PNPLA7: variants seen among roughly 807,000 people sequenced by gnomAD.
The protein encoded by PNPLA7 is patatin-like phospholipase domain-containing protein 7.
Under a neutral mutation model 161.7 loss-of-function variants are expected in PNPLA7, and 153 were observed. The ratio of observed to expected loss-of-function variants is 0.95; its 90% confidence interval spans 0.83 to 1.08. The LOEUF (loss-of-function observed/expected upper bound fraction) is 1.08, where lower values mean the gene tolerates loss of function less well. Ranked by LOEUF, PNPLA7 falls within the 50% of genes least tolerant of loss-of-function variation. PNPLA7 has a pLI of 0.00. For missense variants in PNPLA7, 1,739 were observed against 1,856.6 expected (o/e 0.94, Z 1.16); for synonymous variants, 809 against 782.1 (o/e 1.03, Z -0.57).
chr9:137,525,021 G>C (rs1405861483), intron 8 of PNPLA7, among the ~76,000 whole-genome samples: 2 of 152,212 alleles, frequency 1.3e-5, no homozygotes, highest in Non-Finnish European at 2.9e-5. Context: ...AATTCACTTG[G>C]GTTTATGCTA....
At chr9:137,521,575 A>G (rs918119362) in intron 10 of PNPLA7, 61 bp downstream of exon 10, 1 of 1,559,326 alleles carries the variant, frequency 6.4e-7, no homozygotes. Context: ...GCCAACCAAT[A>G]GCTGTCCCGA....
At chr9:137,528,557 C>T (rs1835415147) in intron 8 of PNPLA7, among the ~76,000 whole-genome samples, 1 of 152,122 alleles carries the variant, frequency 6.6e-6, no homozygotes, top group Admixed American at 6.5e-5. Flanking sequence ...GCTGGGATTA[C>T]AGGCATGAGC....
At position 137,513,867 on chromosome 9, in the gene PNPLA7, T is replaced by C. The variant is rs573294318; in HGVS notation, c.1225+1512A>G. Among the ~76,000 whole-genome samples, 10 of 152,350 alleles carry C rather than the reference T, an allele frequency of 6.6e-5. No individual in the cohort carries two copies. The South Asian group carries it at 1.7e-3, about 25-fold the overall frequency. ...AATCCTGCAGAAAGTGGGCAGAGAATACGACCAGACAATCTGAGAGGGACG... is the reference window on the plus strand; with the variant it reads ...AATCCTGCAGAAAGTGGGCAGAGAACACGACCAGACAATCTGAGAGGGACG... On this transcript the variant is annotated intron_variant, in intron 12 of 34. Coordinates refer to ENST00000406427, the MANE Select transcript of PNPLA7 (RefSeq NM_001098537.3).
At chr9:137,535,275 A>G (rs572707248) in intron 8 of PNPLA7, among the ~76,000 whole-genome samples, 48 of 152,352 alleles carry the variant, frequency 3.2e-4, no homozygotes, top group Admixed American at 2.9e-3. Context: ...TCATTCACAC[A>G]TAAAGTGACT....
Position 137,537,635 on chromosome 9 carries a change from T to G in PNPLA7, c.747+3007A>C, listed in dbSNP as rs1358496456. ...CAGCCAATCACCTCCCATTTTTTAC[T>G]CCCACTACACTCAGGGAAGATCCAT... On this transcript the variant is annotated intron_variant, in intron 8 of 34. Coordinates refer to ENST00000406427, the MANE Select transcript of PNPLA7 (RefSeq NM_001098537.3). This position sits in a 1 kb window ranked among gnomAD's most constrained non-coding sequence, Gnocchi z 4.5. Among the ~76,000 whole-genome samples the G allele has an allele frequency of 1.3e-5, 2 of 152,046 alleles. No homozygotes were observed. The highest frequency in any genetic ancestry group is 2.9e-5 in the Non-Finnish European group (2 of 67,996).
chr9:137,515,595 G>A (rs1834492711), intron 11 of PNPLA7, 76 bp from the exon 12 acceptor site: 7 of 1,439,586 alleles, frequency 4.9e-6, no homozygotes, highest in South Asian at 2.9e-5. Flanking sequence ...TCGGGGCCAC[G>A]CAGGGAGCAG....
At chr9:137,479,874 G>A (rs1832125366) in intron 23 of PNPLA7, 1 of 985,316 alleles carries the variant, frequency 1.0e-6, no homozygotes, top group African/African-American at 1.7e-5. Context: ...TGTTGGCTGA[G>A]GATGCAGAGG....
rs1240278721 is a variant in PNPLA7 at position 137,463,398 on chromosome 9, T to TC, written c.3343+16dup. 1.9e-6 allele frequency: 3 copies of TC among 1,587,542 alleles called. No homozygotes were observed. The highest frequency in any genetic ancestry group is 2.3e-5 in the East Asian group (1 of 43,806). The stretch of plus-strand genomic sequence containing the variant: ...GAGCCTGTGCTCCTGCCGGGCGTGG[T>TC]CCCCCCACCGCAGTACCTGGGAGGT... On this transcript the variant is annotated intron_variant, in intron 29 of 34. Coordinates refer to ENST00000406427, the MANE Select transcript of PNPLA7 (RefSeq NM_001098537.3).
At chr9:137,519,846 C>T (rs1834895689) in intron 11 of PNPLA7, 71 bp downstream of exon 11, 1 of 1,551,596 alleles carries the variant, frequency 6.4e-7, no homozygotes, top group Non-Finnish European at 8.7e-7. Context: ...CCTGGGGTGA[C>T]CTGAGGCAGT....
At chr9:137,479,442 G>A (rs1588560521) in intron 23 of PNPLA7, 3 of 1,277,760 alleles carry the variant, frequency 2.3e-6, no homozygotes, top group Admixed American at 3.7e-5. Context: ...TGTGTGCTGG[G>A]CAAGGTCAGT....
chr9:137,534,424 A>G (rs1835777267), intron 8 of PNPLA7, among the ~76,000 whole-genome samples: 1 of 150,770 alleles, frequency 6.6e-6, no homozygotes, highest in Non-Finnish European at 1.5e-5. Flanking sequence ...AGATGGGAGC[A>G]CTCCCAGACT....
intron 11 of PNPLA7, chr9:137,516,533 G>T (rs1436674229): frequency 1.1e-5 from 11 of 985,218 alleles, no homozygotes; most frequent in Non-Finnish European, 1.3e-5. Flanking sequence ...TTGAGGCCAG[G>T]TGCAGTGGCT....
rs1001674549 is a variant in PNPLA7, at chr9:137,486,061, C to T, written c.2198-1325G>A. ...CATCTAGGTGCCGTGGATGCTCCTC[C>T]TCTGCAGTCCCCGTGGCCCAGCCCT... On this transcript the variant is annotated intron_variant, in intron 20 of 34. Transcript: ENST00000406427. The surrounding 1 kb of genome is among the most constrained non-coding windows in gnomAD (Gnocchi z 6.0). 3.3e-5 allele frequency among the ~76,000 whole-genome samples: 5 copies of T among 151,970 alleles called. No individual in the cohort carries two copies. The highest frequency in any genetic ancestry group is 1.3e-4 in the Admixed American group (2 of 15,244).
intron 33 of PNPLA7, chr9:137,460,949 G>C (rs1831157180): frequency 5.4e-6 from 3 of 559,556 alleles, no homozygotes; most frequent in Non-Finnish European, 9.6e-6. Context: ...ATCACTTCGT[G>C]GGTCTTCCAC....
chr9:137,537,830 A>G lies in PNPLA7; in HGVS notation c.747+2812T>C, dbSNP rs931910000. On this transcript the variant is annotated intron_variant, in intron 8 of 34. Coordinates refer to ENST00000406427, the MANE Select transcript of PNPLA7 (RefSeq NM_001098537.3). The surrounding 1 kb of genome is among the most constrained non-coding windows in gnomAD (Gnocchi z 4.5). ...AATATCACAACAAGATCAAGATCAG[A>G]AAGAACAAAGAAATAATGGAGAAAG... is the stretch of plus-strand genomic sequence containing the variant. 1.0e-4 allele frequency among the ~76,000 whole-genome samples: 13 copies of G among 130,004 alleles called. No homozygotes were observed. The highest frequency in any genetic ancestry group is 2.0e-4 in the Non-Finnish European group (13 of 63,848). The allele number at this position is 130,004 out of a possible 152,430, so 85.3% of individuals were successfully genotyped here.
chr9:137,526,754 T>C (rs1835323153), intron 8 of PNPLA7, among the ~76,000 whole-genome samples: 1 of 152,226 alleles, frequency 6.6e-6, no homozygotes, highest in African/African-American at 2.4e-5. Context: ...CAATTCCTAA[T>C]TCTTCATTGC....
chr9:137,481,280 G>A (rs1470803842), intron 21 of PNPLA7, among the ~76,000 whole-genome samples: 2 of 152,224 alleles, frequency 1.3e-5, no homozygotes, highest in Non-Finnish European at 2.9e-5. Flanking sequence ...CCCTGAAGGA[G>A]GCCTCGGGTA....
intron 8 of PNPLA7, among the ~76,000 whole-genome samples, chr9:137,525,225 T>C (rs1835240323): frequency 6.6e-6 from 1 of 152,194 alleles, no homozygotes; most frequent in African/African-American, 2.4e-5. Context: ...GCAACACACA[T>C]CAGTGTGCCA....
At chr9:137,479,011 T>C (rs750881021) in intron 24 of PNPLA7, 45 bp downstream of exon 24, 1 of 1,499,484 alleles carries the variant, frequency 6.7e-7, no homozygotes, top group Non-Finnish European at 9.0e-7. Flanking sequence ...TTCGAGGAAA[T>C]GAACCACGGA....
Sources: allele counts gnomAD v4.1 joint callset (sites outside exome capture counted in the v4.1 genomes callset), GRCh38; gene constraint gnomAD v4.1.1; non-coding constraint Gnocchi (gnomAD v3.1); transcripts MANE v1.5; gene names NCBI Gene and HGNC (gene_info 2026-07-23, HGNC 2026-07-21).